Variants in TAFA2 observed in about 807,000 individuals in gnomAD.
The protein encoded by TAFA2 is TAFA chemokine like family member 2.
TAFA2 carries 7 observed loss-of-function variants against 18.8 expected under a neutral mutation model. The ratio of observed to expected loss-of-function variants is 0.37; its 90% confidence interval spans 0.21 to 0.70. The LOEUF is 0.70. Among genes scored for constraint, TAFA2 ranks in the 30% least tolerant of loss-of-function variants. The pLI, the probability that TAFA2 is intolerant of heterozygous loss-of-function variation, is 0.53. For missense variants in TAFA2, 122 were observed against 158.1 expected, an observed-to-expected ratio of 0.77 and a Z score of 1.23; for synonymous variants, 60 against 54.2, an observed-to-expected ratio of 1.11 and a Z score of -0.47.
rs1869191842 is a variant in TAFA2, at chr12:61,754,946, G to A, written c.185C>T (p.Ser62Leu). ...CCNKNKIEER[S>L]QTVKCSCFPG... ...GAAGCAGGAGCACTTGACTGTTTGT[G>A]ACCGTTCTTCTATCTTGTTCTTATT... is the stretch of plus-strand genomic sequence containing the variant. The change falls in exon 3 of 5, where the codon TCA becomes TTA. Residue 62 changes from serine (S) to leucine (L), a missense_variant. By Grantham distance (145) the Ser-to-Leu change is moderately radical. Transcript: ENST00000416284. 6.2e-7 allele frequency: 1 copy of A among 1,613,024 alleles called. No individual in the cohort carries two copies. Among genetic ancestry groups the A allele is most frequent in the Non-Finnish European group, 8.5e-7 (1 of 1,179,440 alleles).
At chr12:62,228,312 G>C (rs2062796927) in intron 1 of TAFA2, among the ~76,000 whole-genome samples, 1 of 152,114 alleles carries the variant, frequency 6.6e-6, no homozygotes, top group African/African-American at 2.4e-5. Flanking sequence ...TTGATTTCAT[G>C]TCTTTGCTAT....
intron 1 of TAFA2, among the ~76,000 whole-genome samples, chr12:61,932,210 C>T (rs897833164): frequency 8.5e-5 from 13 of 152,120 alleles, no homozygotes; most frequent in Non-Finnish European, 1.9e-4. Context: ...AAAACGTCAC[C>T]ACAAATGCAG....
intron 1 of TAFA2, among the ~76,000 whole-genome samples, chr12:62,164,488 A>G (rs2062426298): frequency 6.6e-6 from 1 of 152,142 alleles, no homozygotes. Context: ...TCCCGTGGGC[A>G]TTTCCATGTT....
intron 1 of TAFA2, among the ~76,000 whole-genome samples, chr12:62,177,031 A>T (rs575927942): frequency 6.6e-6 from 1 of 152,248 alleles, no homozygotes; most frequent in Admixed American, 6.5e-5. Context: ...GTGTGAGTTT[A>T]AAAAGATCAC....
intron 2 of TAFA2, among the ~76,000 whole-genome samples, chr12:61,862,646 T>C (rs2121202801): frequency 6.6e-6 from 1 of 152,234 alleles, no homozygotes; most frequent in Admixed American, 6.5e-5. Flanking sequence ...TCTACCACTC[T>C]CTCCCTTAAA....
rs182308063 is a variant in TAFA2, at chr12:61,810,356, C to A, written c.107-55332G>T. On this transcript the variant is annotated intron_variant, in intron 2 of 4. Coordinates refer to ENST00000416284, the MANE Select transcript of TAFA2 (RefSeq NM_178539.5). Reference sequence around the variant, plus strand: ...TTAAGGAATATCTGTAACTTTAGATCATGACTCTTGTGTTTTTAAGTATAG... The same window carrying A: ...TTAAGGAATATCTGTAACTTTAGATAATGACTCTTGTGTTTTTAAGTATAG... Among the ~76,000 whole-genome samples, 39 of 150,256 alleles carry A rather than the reference C, an allele frequency of 2.6e-4. 1 individual carries two copies. Among genetic ancestry groups the A allele is most frequent in the Non-Finnish European group, 5.0e-4 (34 of 67,858 alleles).
rs1271049248 is a variant in TAFA2 at position 61,709,305 on chromosome 12, A to G, written c.*1101T>C. The G allele has an allele frequency of 6.6e-6, 1 of 152,444 alleles. No individual in the cohort carries two copies. Among genetic ancestry groups the G allele is most frequent in the Non-Finnish European group, 1.5e-5 (1 of 67,996 alleles). The allele number at this position is 152,444 out of a possible 1,614,324, so 9.4% of individuals were successfully genotyped here. On this transcript the variant is annotated 3_prime_UTR_variant, in exon 5 of 5. Coordinates refer to ENST00000416284, the MANE Select transcript of TAFA2 (RefSeq NM_178539.5). ...CAAATTGTTTGAATAGGAAAACTGT[A>G]AGCAAATATTTATAAATTTGAGACT...
chr12:62,194,319 ACACACACATAC>A (rs1339068841), upstream of TAFA2, among the ~76,000 whole-genome samples: 42 of 9,124 alleles, frequency 4.6e-3, 1 homozygote, highest in African/African-American at 0.011. Flanking sequence ...ACACACACAC[ACACACACATAC>A]AAAAAAACAT....
At chr12:61,720,115 C>G (rs1425512652) in intron 4 of TAFA2, among the ~76,000 whole-genome samples, 1 of 151,752 alleles carries the variant, frequency 6.6e-6, no homozygotes, top group Non-Finnish European at 1.5e-5. Flanking sequence ...GTTCAGTAAT[C>G]TTGAATTTCC....
intron 1 of TAFA2, among the ~76,000 whole-genome samples, chr12:62,072,811 A>G (rs373263611): frequency 2.0e-5 from 3 of 152,298 alleles, no homozygotes; most frequent in African/African-American, 7.2e-5. Flanking sequence ...AATCCATTCC[A>G]AAGATCAAAA....
chr12:62,202,554 T>C (rs2136968371), intron 1 of TAFA2, among the ~76,000 whole-genome samples: 1 of 152,192 alleles, frequency 6.6e-6, no homozygotes, highest in Admixed American at 6.5e-5. Context: ...ACTCCTGACC[T>C]CAGATGATCC....
chr12:62,240,947 T>G (rs1053045193), intron 1 of TAFA2, among the ~76,000 whole-genome samples: 41 of 152,262 alleles, frequency 2.7e-4, no homozygotes, highest in African/African-American at 8.9e-4. Context: ...TGAAGTGAAA[T>G]AGTTTCATCC....
intron 4 of TAFA2, among the ~76,000 whole-genome samples, chr12:61,747,855 TA>T (rs1167374762): frequency 1.3e-5 from 2 of 150,396 alleles, no homozygotes; most frequent in Non-Finnish European, 3.0e-5. Context: ...CCCTAAAACT[TA>T]AAAGTATAAT....
chr12:61,944,024 C>T (rs559379595), intron 1 of TAFA2, among the ~76,000 whole-genome samples: 111 of 132,036 alleles, frequency 8.4e-4, no homozygotes, highest in African/African-American at 3.0e-3. Context: ...CCACACCACA[C>T]CTATTCCAAA....
intron 2 of TAFA2, among the ~76,000 whole-genome samples, chr12:61,763,306 A>T (rs188737917): frequency 3.0e-4 from 46 of 152,170 alleles, no homozygotes; most frequent in African/African-American, 1.0e-3. Flanking sequence ...TAAAGAAAGG[A>T]TAATATCCAT....
At chr12:61,921,501 G>T (rs1186681752) in intron 1 of TAFA2, among the ~76,000 whole-genome samples, 1 of 152,140 alleles carries the variant, frequency 6.6e-6, no homozygotes, top group Non-Finnish European at 1.5e-5. Context: ...AAAAGGCTAT[G>T]GCTGAAACAG....
At chr12:62,103,289 G>A (rs143436668) in intron 1 of TAFA2, among the ~76,000 whole-genome samples, 5 of 152,190 alleles carry the variant, frequency 3.3e-5, no homozygotes, top group African/African-American at 1.2e-4. Context: ...AATATTTGCT[G>A]TATGTCTAGC....
At chr12:61,954,927 G>A (rs1344299771) in intron 1 of TAFA2, among the ~76,000 whole-genome samples, 1 of 152,026 alleles carries the variant, frequency 6.6e-6, no homozygotes, top group Non-Finnish European at 1.5e-5. Flanking sequence ...CAACAGAAAA[G>A]ATTTATTAAC....
rs1016358458 is a variant in TAFA2, at chr12:62,149,676, T to TA, written c.-2+41582dup. Reference sequence around the variant, plus strand: ...AACTTAATTTTACAAATTACTATCATAAAAAAAGTATATTAATAACTATGA... The same window carrying TA: ...AACTTAATTTTACAAATTACTATCATAAAAAAAAGTATATTAATAACTATGA... On this transcript the variant is annotated intron_variant, in intron 1 of 4. Transcript: ENST00000416284. 1.5e-3 allele frequency among the ~76,000 whole-genome samples: 221 copies of TA among 151,422 alleles called. 1 individual carries two copies. Among genetic ancestry groups the TA allele is most frequent in the African/African-American group, 4.8e-3 (200 of 41,388 alleles).
Sources: gnomAD v4.1 joint callset for allele counts (sites outside exome capture counted in the v4.1 genomes callset) on GRCh38, gnomAD v4.1.1 for gene constraint, MANE v1.5 for transcripts, NCBI Gene and HGNC (gene_info 2026-07-23, HGNC 2026-07-21) for gene names.